The following DIS3 variants were observed in gnomAD, a reference collection of about 807,000 sequenced individuals.
DIS3 encodes DIS3 exosome endoribonuclease and 3'-5' exoribonuclease.
Under a neutral mutation model 113.0 loss-of-function variants are expected in DIS3, and 103 were observed. That is an observed-to-expected ratio of 0.91 (90% CI 0.78 to 1.07). DIS3 has a LOEUF of 1.07. DIS3 is among the 50% of genes least tolerant of loss of function. DIS3 has a pLI of 0.00. For missense variants in DIS3, 1,121 were observed against 1,167.1 expected (o/e 0.96, Z 0.58); for synonymous variants, 402 against 394.3 (o/e 1.02, Z -0.23).
chr13:72,771,950 C>T, intron 10 of DIS3, 54 bp from the exon 11 acceptor site: 1 of 1,547,086 alleles, frequency 6.5e-7, no homozygotes, highest in Non-Finnish European at 8.8e-7. Context: ...GTAAATGTAC[C>T]TAATGGAGTT....
rs527554599 is a variant in DIS3 at position 72,753,502 on chromosome 13, C to T, written c.*6293G>A. ...ATTGGAAGGAATTGTAAAATGACTA[C>T]AATAATCAGTACTATGCAGGACTAC... On this transcript the variant is annotated 3_prime_UTR_variant, in exon 21 of 21. Coordinates refer to ENST00000377767, the MANE Select transcript of DIS3 (RefSeq NM_014953.5). 4.1e-6 allele frequency: 2 copies of T among 488,754 alleles called. No individual in the cohort carries two copies. The highest frequency in any genetic ancestry group is 6.9e-5 in the East Asian group (2 of 29,022). The allele number at this position is 488,754 out of a possible 1,614,324, so 30.3% of individuals were successfully genotyped here.
chr13:72,774,790 A>G (rs538588779), intron 6 of DIS3, among the ~76,000 whole-genome samples: 1 of 152,318 alleles, frequency 6.6e-6, no homozygotes, highest in South Asian at 2.1e-4. Flanking sequence ...GGTATCAGAT[A>G]AGTTGCCCAA....
chr13:72,762,411 G>C (rs1159720408), intron 16 of DIS3, among the ~76,000 whole-genome samples: 2 of 152,146 alleles, frequency 1.3e-5, no homozygotes, highest in African/African-American at 2.4e-5. Flanking sequence ...GAAGAAATAA[G>C]ACAATGAAGG....
chr13:72,766,572 T>C (rs2033756273), intron 14 of DIS3, among the ~76,000 whole-genome samples: 1 of 152,304 alleles, frequency 6.6e-6, no homozygotes, highest in South Asian at 2.1e-4. Context: ...TAACCTAGTA[T>C]CACTAATAGG....
At chr13:72,763,664 T>A (rs1272210173) in intron 15 of DIS3, 57 bp from the exon 16 acceptor site, 1 of 1,498,268 alleles carries the variant, frequency 6.7e-7, no homozygotes, top group Admixed American at 2.3e-5. Flanking sequence ...CTTCTATATA[T>A]CATATTTTTT....
At chr13:72,777,143 C>T (rs1007766683) in intron 4 of DIS3, among the ~76,000 whole-genome samples, 1 of 152,200 alleles carries the variant, frequency 6.6e-6, no homozygotes, top group South Asian at 2.1e-4. Context: ...ATTCACAAAT[C>T]AGCCATGGAC....
chr13:72,762,182 A>T, intron 16 of DIS3, 45 bp from the exon 17 acceptor site: 1 of 1,491,800 alleles, frequency 6.7e-7, no homozygotes, highest in East Asian at 2.3e-5. Flanking sequence ...AACATTTCTA[A>T]GTCAGTACCA....
At position 72,755,672 on chromosome 13, in the gene DIS3, CTT is replaced by C. The variant is rs1239898511; in HGVS notation, c.*4121_*4122del. 4 of 390,306 alleles carry C rather than the reference CTT, an allele frequency of 1.0e-5. No homozygotes were observed. The highest frequency in any genetic ancestry group is 1.8e-5 in the Non-Finnish European group (4 of 221,450). The allele number at this position is 390,306 out of a possible 1,614,324, so 24.2% of individuals were successfully genotyped here. ...GAAGAAATCTTAGATATAAAACTAA[CTT>C]TTCAAAGATACAAAAGAAATTAAAC... On this transcript the variant is annotated 3_prime_UTR_variant, in exon 21 of 21. Coordinates refer to ENST00000377767, the MANE Select transcript of DIS3 (RefSeq NM_014953.5).
Position 72,759,764 on chromosome 13 carries a change from A to G in DIS3, c.*31T>C. 1 of 1,575,146 alleles carries G rather than the reference A, an allele frequency of 6.3e-7. No homozygotes were observed. The highest frequency in any genetic ancestry group is 1.4e-5 in the African/African-American group (1 of 73,514). ...TCAAGTTTTTTCTTTTAAAAAAGAA[A>G]CCAGTCTTTGAAGATTTTTGTTGAA... On this transcript the variant is annotated 3_prime_UTR_variant, in exon 21 of 21. Coordinates refer to ENST00000377767, the MANE Select transcript of DIS3 (RefSeq NM_014953.5).
In DIS3 at chr13:72,757,314, A is replaced by G. The variant is rs1054177833; in HGVS notation, c.*2481T>C. ...ACCCAGGCTGGAGTGCAGTGGCGCGATCTTGGCTCACTGCAACCTCTGCCT... is the reference window on the plus strand; with the variant it reads ...ACCCAGGCTGGAGTGCAGTGGCGCGGTCTTGGCTCACTGCAACCTCTGCCT... On this transcript the variant is annotated 3_prime_UTR_variant, in exon 21 of 21. Coordinates refer to ENST00000377767, the MANE Select transcript of DIS3 (RefSeq NM_014953.5). The G allele has an allele frequency of 6.7e-6, 1 of 148,936 alleles. No homozygotes were observed. Among genetic ancestry groups the G allele is most frequent in the African/African-American group, 2.5e-5 (1 of 39,918 alleles). The allele number at this position is 148,936 out of a possible 1,614,324, so 9.2% of individuals were successfully genotyped here. A position where few individuals can be genotyped will look rare whatever the true frequency, so the allele number is the denominator to read the frequency against.
In DIS3 at chr13:72,765,979, C is replaced by A. The variant is rs767712764; in HGVS notation, c.1963G>T (p.Glu655Ter). The A allele has an allele frequency of 1.9e-6, 3 of 1,604,648 alleles. No individual in the cohort carries two copies. Among genetic ancestry groups the A allele is most frequent in the South Asian group, 2.3e-5 (2 of 88,476 alleles). The change falls in exon 15 of 21, where the codon GAA becomes TAA. Residue 655 changes from glutamate to a stop codon, truncating the protein, a stop_gained. Coordinates refer to ENST00000377767, the MANE Select transcript of DIS3 (RefSeq NM_014953.5). LOFTEE classifies it high-confidence loss of function. ...ATCAAAAAAATTACAAACCTAAGTT[C>A]CTTGGTCTGCAGATCTATAGGATCG... ...THDPIDLQTK[E>*]LRETNSMVEE...
intron 1 of DIS3, 176 bp from the exon 2 acceptor site, chr13:72,781,179 T>G (rs2034197210): frequency 2.8e-6 from 4 of 1,414,656 alleles, no homozygotes; most frequent in Non-Finnish European, 3.9e-6. Context: ...ACCCTTCAGA[T>G]CTATTAAAAA....
At position 72,759,757 on chromosome 13, in the gene DIS3, AAAAG is replaced by A. The variant is rs772804548; in HGVS notation, c.*34_*37del. ...TGTTCTTTCAAGTTTTTTCTTTTAA[AAAAG>A]AAACCAGTCTTTGAAGATTTTTGTT... On this transcript the variant is annotated 3_prime_UTR_variant, in exon 21 of 21. Coordinates refer to ENST00000377767, the MANE Select transcript of DIS3 (RefSeq NM_014953.5). The A allele has an allele frequency of 2.6e-6, 4 of 1,561,320 alleles. No homozygotes were observed. The highest frequency in any genetic ancestry group is 3.5e-6 in the Non-Finnish European group (4 of 1,143,060).
chr13:72,770,863 A>G (rs374750334), intron 13 of DIS3, 41 bp downstream of exon 13: 2 of 1,461,808 alleles, frequency 1.4e-6, no homozygotes, highest in South Asian at 1.4e-5. Flanking sequence ...AAAAAGTACC[A>G]AAAAGTTTAA....
chr13:72,772,253 A>C lies in DIS3; in HGVS notation c.1409T>G (p.Leu470Arg). ...TEKDMKNRED[L>R]RHLCICSVDP... ...TACACTACAAATACACAGATGCCTC[A>C]GGTCTTCTCGGTTTTTCATGTCCTA... The change falls in exon 10 of 21, where the codon CTG (leucine) becomes CGG (arginine). Residue 470 changes from leucine (L) to arginine (R), a missense_variant. Transcript: ENST00000377767. The C allele has an allele frequency of 2.5e-6, 4 of 1,612,596 alleles. No homozygotes were observed. The highest frequency in any genetic ancestry group is 3.4e-6 in the Non-Finnish European group (4 of 1,179,770).
Position 72,770,997 on chromosome 13 carries a change from G to A in DIS3, c.1671-9C>T. 2 of 1,606,062 alleles carry A rather than the reference G, an allele frequency of 1.2e-6. No homozygotes were observed. The highest frequency in any genetic ancestry group is 1.7e-6 in the Non-Finnish European group (2 of 1,175,856). On this transcript the variant is annotated splice_polypyrimidine_tract_variant and intron_variant, in intron 12 of 20. Transcript: ENST00000377767. ...TACATGAAAATGCCAGCCTGTGAAG[G>A]AAAATACAGAGTATTTGTTAATGGG...
In DIS3 at chr13:72,778,182, C is replaced by G. The variant is rs367745323; in HGVS notation, c.580+5G>C. 4 of 1,570,722 alleles carry G rather than the reference C, an allele frequency of 2.5e-6. No individual in the cohort carries two copies. Among genetic ancestry groups the G allele is most frequent in the Non-Finnish European group, 3.5e-6 (4 of 1,147,736 alleles). On this transcript the variant is annotated splice_donor_5th_base_variant and intron_variant, in intron 3 of 20. Coordinates refer to ENST00000377767, the MANE Select transcript of DIS3 (RefSeq NM_014953.5). ...TGCACTAAGTACTTCTACATTTAGA[C>G]TTACAAGTGAAAGCTGGTATTCCTT...
Position 72,757,733 on chromosome 13 carries a change from C to CT in DIS3, c.*2061dup. 1 of 189,470 alleles carries CT rather than the reference C, an allele frequency of 5.3e-6. No homozygotes were observed. The allele number at this position is 189,470 out of a possible 1,614,324, so 11.7% of individuals were successfully genotyped here. ...TGAGCCACCGCACCTAGCCGGCAAA[C>CT]TTTTTTAAATGGTTGGCGGGGGTGG... On this transcript the variant is annotated 3_prime_UTR_variant, in exon 21 of 21. Transcript: ENST00000377767.
In DIS3 at chr13:72,755,733, A is replaced by C; in HGVS notation, c.*4062T>G. 1 of 397,380 alleles carries C rather than the reference A, an allele frequency of 2.5e-6. No individual in the cohort carries two copies. Among genetic ancestry groups the C allele is most frequent in the Non-Finnish European group, 4.4e-6 (1 of 225,784 alleles). The allele number at this position is 397,380 out of a possible 1,614,324, so 24.6% of individuals were successfully genotyped here. A position where few individuals can be genotyped will look rare whatever the true frequency, so the allele number is the denominator to read the frequency against. ...TGAAATTTTAGTTCTTGGTCTGTTCACCTCTGTGGGGAAAATTCTTAGTTC... is the reference window on the plus strand; with the variant it reads ...TGAAATTTTAGTTCTTGGTCTGTTCCCCTCTGTGGGGAAAATTCTTAGTTC... On this transcript the variant is annotated 3_prime_UTR_variant, in exon 21 of 21. Coordinates refer to ENST00000377767, the MANE Select transcript of DIS3 (RefSeq NM_014953.5).
Sources: allele counts gnomAD v4.1 joint callset (sites outside exome capture counted in the v4.1 genomes callset), GRCh38; gene constraint gnomAD v4.1.1; transcripts MANE v1.5; gene names NCBI Gene and HGNC (gene_info 2026-07-23, HGNC 2026-07-21).